Variants in ADGRB3 observed in about 807,000 individuals in gnomAD.
ADGRB3 encodes the protein adhesion G protein-coupled receptor B3.
A neutral mutation model predicts 193.4 loss-of-function variants in ADGRB3; 37 were observed. The observed-to-expected ratio is 0.19, with a 90% CI of 0.15 to 0.25. The LOEUF (loss-of-function observed/expected upper bound fraction) is 0.25. Ranked by LOEUF, ADGRB3 falls within the 10% of genes least tolerant of loss-of-function variation. The pLI is 1.00. For missense variants in ADGRB3, 1,637 were observed against 1,852.9 expected (o/e 0.88, Z 2.14); for synonymous variants, 690 against 644.2 (o/e 1.07, Z -1.08).
At chr6:69,163,508 A>C (rs1243309336) in intron 17 of ADGRB3, among the ~76,000 whole-genome samples, 1 of 152,096 alleles carries the variant, frequency 6.6e-6, no homozygotes, top group African/African-American at 2.4e-5. Flanking sequence ...ATGTGAAAAA[A>C]AATTAAGGCG....
At chr6:68,940,807 A>T (rs1037237912) in intron 5 of ADGRB3, among the ~76,000 whole-genome samples, 34 of 152,122 alleles carry the variant, frequency 2.2e-4, no homozygotes, top group African/African-American at 8.2e-4. Context: ...CACGAGAATC[A>T]CTTGAACCTG....
At chr6:68,812,232 G>T (rs1202021968) in intron 3 of ADGRB3, among the ~76,000 whole-genome samples, 1 of 152,168 alleles carries the variant, frequency 6.6e-6, no homozygotes, top group African/African-American at 2.4e-5. Context: ...TGAAATGCCA[G>T]GCTAAGATAG....
chr6:68,780,361 A>G (rs1334517248), intron 3 of ADGRB3, among the ~76,000 whole-genome samples: 1 of 152,148 alleles, frequency 6.6e-6, no homozygotes, highest in East Asian at 1.9e-4. Context: ...TTTGGTAACT[A>G]GTTGTCTTTG....
chr6:68,888,542 T>TACACACACACACAC (rs5877179), intron 3 of ADGRB3, among the ~76,000 whole-genome samples: 34 of 146,172 alleles, frequency 2.3e-4, no homozygotes, highest in Non-Finnish European at 3.2e-4. Flanking sequence ...GGGTAATAGA[T>TACACACACACACAC]ACACACACAC....
intron 5 of ADGRB3, 40 bp from the exon 6 acceptor site, chr6:68,943,790 G>C: frequency 6.6e-7 from 1 of 1,514,676 alleles, no homozygotes; most frequent in Non-Finnish European, 9.0e-7. Context: ...TGATTTTACT[G>C]CTCTGCTTTT....
chr6:68,876,307 A>T (rs1674308513), intron 3 of ADGRB3, among the ~76,000 whole-genome samples: 1 of 152,136 alleles, frequency 6.6e-6, no homozygotes, highest in African/African-American at 2.4e-5. Context: ...CTTTCTAAGT[A>T]TTGAAACTGA....
chr6:68,900,138 A>T (rs1766353565), intron 3 of ADGRB3, among the ~76,000 whole-genome samples: 1 of 152,194 alleles, frequency 6.6e-6, no homozygotes, highest in African/African-American at 2.4e-5. Context: ...ATATAAGTAT[A>T]CATTTAGAAA....
chr6:68,815,191 C>A (rs777924747), intron 3 of ADGRB3, among the ~76,000 whole-genome samples: 5 of 152,020 alleles, frequency 3.3e-5, no homozygotes, highest in African/African-American at 1.2e-4. Flanking sequence ...CAGTCCTTCG[C>A]GGCTCCTACT....
intron 17 of ADGRB3, among the ~76,000 whole-genome samples, chr6:69,081,210 A>T (rs986321000): frequency 2.2e-4 from 33 of 151,998 alleles, no homozygotes; most frequent in Admixed American, 6.6e-5. Context: ...TTAATTCTCT[A>T]ATATTATAAA....
At chr6:68,984,315 G>A (rs1432855072) in intron 10 of ADGRB3, among the ~76,000 whole-genome samples, 1 of 152,078 alleles carries the variant, frequency 6.6e-6, no homozygotes, top group East Asian at 1.9e-4. Context: ...CATTTGGCTG[G>A]TTATAATGTC....
chr6:68,697,057 G>C (rs1368811751), intron 3 of ADGRB3, among the ~76,000 whole-genome samples: 1 of 151,832 alleles, frequency 6.6e-6, no homozygotes, highest in African/African-American at 2.4e-5. Context: ...TCTCTCTCAG[G>C]AACTGTGTGT....
intron 19 of ADGRB3, among the ~76,000 whole-genome samples, chr6:69,236,946 G>C (rs899292234): frequency 1.6e-4 from 25 of 151,960 alleles, no homozygotes; most frequent in African/African-American, 5.8e-4. Context: ...ATCCCTAAAA[G>C]TTAGTGGTCA....
At chr6:69,258,091 T>C (rs1766821728) in intron 20 of ADGRB3, among the ~76,000 whole-genome samples, 1 of 152,170 alleles carries the variant, frequency 6.6e-6, no homozygotes, top group African/African-American at 2.4e-5. Flanking sequence ...GCTAGCGATA[T>C]AAAGACGAAT....
chr6:68,887,876 A>T (rs1765953508), intron 3 of ADGRB3, among the ~76,000 whole-genome samples: 1 of 152,172 alleles, frequency 6.6e-6, no homozygotes, highest in Non-Finnish European at 1.5e-5. Context: ...ATGTGGCACA[A>T]TGTGGAAAAT....
intron 20 of ADGRB3, 82 bp from the exon 21 acceptor site, chr6:69,324,790 G>T: frequency 6.9e-7 from 1 of 1,447,266 alleles, no homozygotes. Context: ...CAATGAATCA[G>T]AGATTAACAA....
intron 3 of ADGRB3, among the ~76,000 whole-genome samples, chr6:68,779,710 TAGAG>T (rs1410072552): frequency 6.6e-6 from 1 of 152,084 alleles, no homozygotes; most frequent in African/African-American, 2.4e-5. Flanking sequence ...ATCTGAGGCT[TAGAG>T]AGAGGCTAAG....
intron 17 of ADGRB3, among the ~76,000 whole-genome samples, chr6:69,107,374 A>G (rs539608688): frequency 1.3e-5 from 2 of 152,232 alleles, no homozygotes; most frequent in Non-Finnish European, 2.9e-5. Context: ...ATATACACTA[A>G]AATACATGAA....
chr6:69,225,428 C>G (rs2127252570), intron 17 of ADGRB3, among the ~76,000 whole-genome samples: 3 of 152,254 alleles, frequency 2.0e-5, no homozygotes, highest in Middle Eastern at 6.8e-3. Context: ...CCTGTATGTT[C>G]CTAACTTTGG....
At chr6:69,071,128 T>G (rs1032405192) in intron 16 of ADGRB3, among the ~76,000 whole-genome samples, 1 of 152,190 alleles carries the variant, frequency 6.6e-6, no homozygotes, top group African/African-American at 2.4e-5. Context: ...AGTAAATGAA[T>G]GCAGAATGGT....
Sources: gnomAD v4.1 joint callset for allele counts (sites outside exome capture counted in the v4.1 genomes callset) on GRCh38, gnomAD v4.1.1 for gene constraint, MANE v1.5 for transcripts, NCBI Gene and HGNC (gene_info 2026-07-23, HGNC 2026-07-21) for gene names.